Variants in ZNRF3 observed in about 807,000 individuals in gnomAD.
The protein encoded by ZNRF3 is E3 ubiquitin-protein ligase ZNRF3.
ZNRF3 carries 23 observed loss-of-function variants against 72.5 expected under a neutral mutation model. The observed-to-expected ratio is 0.32, with a 90% CI of 0.23 to 0.45. ZNRF3 has a LOEUF of 0.45. Ranked by LOEUF, ZNRF3 falls within the 20% of genes least tolerant of loss-of-function variation. The pLI is 1.00. For missense variants in ZNRF3, 1,169 were observed against 1,272.1 expected, an observed-to-expected ratio of 0.92 and a Z score of 1.23; for synonymous variants, 610 against 545.3, an observed-to-expected ratio of 1.12 and a Z score of -1.65.
At chr22:28,997,090 T>C (rs2036056919) in intron 2 of ZNRF3, among the ~76,000 whole-genome samples, 1 of 152,154 alleles carries the variant, frequency 6.6e-6, no homozygotes, top group Non-Finnish European at 1.5e-5. Context: ...GGGTCTGATT[T>C]GCTGTGGGAA....
intron 1 of ZNRF3, among the ~76,000 whole-genome samples, chr22:28,928,339 A>G (rs1018165466): frequency 1.3e-5 from 2 of 152,066 alleles, no homozygotes; most frequent in African/African-American, 2.4e-5. Flanking sequence ...AGGCCAGACT[A>G]TTTGAAAGTT....
In ZNRF3 at chr22:28,937,174, A is replaced by AT. The variant is rs1555970638; in HGVS notation, c.301-49902_301-49901insT. ...CGCTGCCAACCTACTTCTCTCTTAT[A>AT]ATATATATATATATATATATATATA... On this transcript the variant is annotated intron_variant, in intron 1 of 8. Transcript: ENST00000544604. 8.6e-4 allele frequency among the ~76,000 whole-genome samples: 68 copies of AT among 78,626 alleles called. 2 individuals carry two copies. The highest frequency in any genetic ancestry group is 4.4e-3 in the African/African-American group (67 of 15,246). 51.6% of individuals were successfully genotyped at this position (78,626 alleles called of 152,430 possible).
Position 29,049,178 on chromosome 22 carries a change from T to C in ZNRF3, c.1016-19T>C. On this transcript the variant is annotated intron_variant, in intron 7 of 8. Transcript: ENST00000544604. This position sits in a 1 kb window ranked among gnomAD's most constrained non-coding sequence, Gnocchi z 5.2. ...GTATGCTCAGCCCTGCCTACTCTGTTTCCTCCACTTGTCTCCAGAACAAAA... is the reference window on the plus strand; with the variant it reads ...GTATGCTCAGCCCTGCCTACTCTGTCTCCTCCACTTGTCTCCAGAACAAAA... 1 of 1,572,478 alleles carries C rather than the reference T, an allele frequency of 6.4e-7. No homozygotes were observed. Among genetic ancestry groups the C allele is most frequent in the South Asian group, 1.2e-5 (1 of 83,990 alleles).
At chr22:29,009,054 C>T (rs2036305610) in intron 2 of ZNRF3, among the ~76,000 whole-genome samples, 2 of 152,192 alleles carry the variant, frequency 1.3e-5, no homozygotes, top group South Asian at 4.1e-4. Context: ...GCCCACAGCA[C>T]TCCGGCCTCC....
At chr22:28,890,905 A>C (rs2033873866) in intron 1 of ZNRF3, among the ~76,000 whole-genome samples, 1 of 151,978 alleles carries the variant, frequency 6.6e-6, no homozygotes, top group South Asian at 2.1e-4. Context: ...TTACAGGTGT[A>C]TGCCACCATA....
chr22:28,883,617 C>T lies in ZNRF3; in HGVS notation c.-150C>T. The stretch of plus-strand genomic sequence containing the variant: ...AGATGAAAGGGCCGCGGCGCGACGG[C>T]CGGGGGAGCCGAGCTGAGCCTGCGA... On this transcript the variant is annotated 5_prime_UTR_variant, in exon 1 of 9. Coordinates refer to ENST00000544604, the MANE Select transcript of ZNRF3 (RefSeq NM_001206998.2). This position sits in a 1 kb window ranked among gnomAD's most constrained non-coding sequence, Gnocchi z 5.5. 1.3e-6 allele frequency: 1 copy of T among 785,434 alleles called. No homozygotes were observed. Among genetic ancestry groups the T allele is most frequent in the Non-Finnish European group, 1.5e-6 (1 of 647,142 alleles). The allele number at this position is 785,434 out of a possible 1,614,324, so 48.7% of individuals were successfully genotyped here. A position where few individuals can be genotyped will look rare whatever the true frequency, so the allele number is the denominator to read the frequency against.
At chr22:28,917,455 T>G in intron 1 of ZNRF3, 2 of 985,238 alleles carry the variant, frequency 2.0e-6, no homozygotes, top group Non-Finnish European at 2.4e-6. Context: ...TTAATCTTAC[T>G]AGGAAGGATC....
At chr22:29,051,603 TAAAAA>T (rs1212194016) in intron 8 of ZNRF3, among the ~76,000 whole-genome samples, 3 of 105,022 alleles carry the variant, frequency 2.9e-5, no homozygotes, top group African/African-American at 1.1e-4. Context: ...GACTCTGTCT[TAAAAA>T]AAAAAAAAAA....
intron 2 of ZNRF3, among the ~76,000 whole-genome samples, chr22:29,006,241 T>G (rs1332818674): frequency 2.5e-5 from 3 of 118,226 alleles, no homozygotes; most frequent in African/African-American, 9.8e-5. Flanking sequence ...TTGAGACAGT[T>G]TTGTTCTTCT....
At chr22:29,020,756 T>TG (rs2036519153) in intron 2 of ZNRF3, among the ~76,000 whole-genome samples, 2 of 125,680 alleles carry the variant, frequency 1.6e-5, no homozygotes, top group African/African-American at 6.4e-5. Context: ...TGAGAGGGGC[T>TG]TTGTTTTTGT....
chr22:29,018,359 A>G (rs2036472874), intron 2 of ZNRF3: 1 of 215,442 alleles, frequency 4.6e-6, no homozygotes, highest in Non-Finnish European at 9.6e-6. Context: ...TTGGGTTTCT[A>G]GATTTGTATG....
At chr22:28,903,726 TTG>T (rs1406225350) in intron 1 of ZNRF3, among the ~76,000 whole-genome samples, 1 of 152,108 alleles carries the variant, frequency 6.6e-6, no homozygotes. Context: ...GGTGTGTTTT[TTG>T]TGTGTTTTCC....
At position 29,042,548 on chromosome 22, in the gene ZNRF3, A is replaced by G. The variant is rs1374103779; in HGVS notation, c.480A>G (p.Glu160=). 6.2e-7 allele frequency: 1 copy of G among 1,613,654 alleles called. No individual in the cohort carries two copies. Among genetic ancestry groups the G allele is most frequent in the South Asian group, 1.1e-5 (1 of 91,056 alleles). Residue 160 remains glutamate (E), a synonymous_variant, in exon 3 of 9, where the codon GAA becomes GAG. Transcript: ENST00000544604. The part of the protein sequence containing the change: ...GATAVIFDVS[E]NPEAIDQLNQ... ...CTGCAGTCATCTTTGATGTGTCTGA[A>G]AACCCAGAAGCTATTGATCAGGTAA...
At chr22:28,955,445 A>G (rs2035241558) in intron 1 of ZNRF3, among the ~76,000 whole-genome samples, 1 of 152,196 alleles carries the variant, frequency 6.6e-6, no homozygotes, top group Non-Finnish European at 1.5e-5. Flanking sequence ...CTGTTGTTTT[A>G]AAAAGTCCTC....
At chr22:28,940,496 CTTT>C (rs575819283) in intron 1 of ZNRF3, among the ~76,000 whole-genome samples, 7 of 138,240 alleles carry the variant, frequency 5.1e-5, no homozygotes, top group African/African-American at 1.3e-4. Context: ...TAGGTTTCTG[CTTT>C]TTTTTTTTTT....
chr22:28,992,117 C>T (rs1488370421), intron 2 of ZNRF3, among the ~76,000 whole-genome samples: 2 of 152,152 alleles, frequency 1.3e-5, no homozygotes, highest in Non-Finnish European at 2.9e-5. Flanking sequence ...CATGCCACTG[C>T]TCTCTAGCCT....
chr22:28,994,157 A>G (rs984985868), intron 2 of ZNRF3, among the ~76,000 whole-genome samples: 2 of 63,350 alleles, frequency 3.2e-5, no homozygotes, highest in Non-Finnish European at 6.6e-5. Flanking sequence ...TCCCTCCTTT[A>G]TTGTCCTTCA....
intron 1 of ZNRF3, among the ~76,000 whole-genome samples, chr22:28,967,609 TA>T (rs1485053779): frequency 2.6e-5 from 4 of 152,114 alleles, no homozygotes; most frequent in African/African-American, 7.2e-5. Flanking sequence ...GCGACATACC[TA>T]GGGGTGAATT....
chr22:28,970,607 A>T (rs1057071027), intron 1 of ZNRF3, among the ~76,000 whole-genome samples: 4 of 152,224 alleles, frequency 2.6e-5, no homozygotes, highest in African/African-American at 9.6e-5. Context: ...GAAACAATCC[A>T]ATGTCCATCA....
Sources: allele counts gnomAD v4.1 joint callset (sites outside exome capture counted in the v4.1 genomes callset), GRCh38; gene constraint gnomAD v4.1.1; non-coding constraint Gnocchi (gnomAD v3.1); transcripts MANE v1.5; gene names NCBI Gene and HGNC (gene_info 2026-07-23, HGNC 2026-07-21).